PLEKHG5: variants seen among roughly 807,000 people sequenced by gnomAD.
The protein encoded by PLEKHG5 is pleckstrin homology domain-containing family G member 5.
Under a neutral mutation model 103.8 loss-of-function variants are expected in PLEKHG5, and 52 were observed. The ratio of observed to expected loss-of-function variants is 0.50; its 90% CI spans 0.40 to 0.63. The LOEUF (loss-of-function observed/expected upper bound fraction) is 0.63, where lower values mean the gene tolerates loss of function less well. PLEKHG5 is among the 30% of genes least tolerant of loss of function. The pLI is 0.00. For synonymous variants in PLEKHG5, 592 were observed against 575.5 expected (o/e 1.03, Z -0.41); for missense variants, 1,205 against 1,347.6 (o/e 0.89, Z 1.66).
upstream of PLEKHG5, among the ~76,000 whole-genome samples, chr1:6,492,150 G>A (rs1481271177): frequency 1.3e-5 from 2 of 152,226 alleles, no homozygotes; most frequent in African/African-American, 4.8e-5. Flanking sequence ...GAGGCGGCCA[G>A]ATGAGGTTTC....
chr1:6,502,409 C>T (rs912925267), intron 1 of PLEKHG5, among the ~76,000 whole-genome samples: 7 of 152,240 alleles, frequency 4.6e-5, no homozygotes, highest in Non-Finnish European at 7.3e-5. Context: ...GCGTAGTCCC[C>T]GGGGACCGGA....
upstream of PLEKHG5, chr1:6,497,165 C>A: frequency 2.1e-6 from 2 of 941,500 alleles, no homozygotes. The surrounding 1 kb of genome is among the most constrained non-coding windows in gnomAD (Gnocchi z 6.1). Context: ...CCGAGGCAGG[C>A]CCCGACTTGG....
upstream of PLEKHG5, among the ~76,000 whole-genome samples, chr1:6,498,348 T>C (rs1403802747): frequency 6.6e-6 from 1 of 152,160 alleles, no homozygotes; most frequent in Non-Finnish European, 1.5e-5. Context: ...CTGCATGGAC[T>C]CCTTACATGG....
rs556947053 is a variant in PLEKHG5, at chr1:6,471,725, C to T, written c.1131+33G>A. On this transcript the variant is annotated intron_variant, in intron 11 of 20. Transcript: ENST00000377728. ...CAGGTCCCGCCCTCCTTCCTGGTAC[C>T]TCACCCGCCGCCGCCCCCGAATCCC... 9.6e-5 allele frequency: 154 copies of T among 1,600,516 alleles called. 1 individual carries two copies. In the East Asian group the frequency reaches 2.9e-3, roughly 31 times the overall value.
chr1:6,497,977 C>T (rs1479850830), upstream of PLEKHG5, among the ~76,000 whole-genome samples: 2 of 151,992 alleles, frequency 1.3e-5, no homozygotes, highest in South Asian at 2.1e-4. The surrounding 1 kb of genome is among the most constrained non-coding windows in gnomAD (Gnocchi z 6.1). Context: ...CCACCCAGTC[C>T]CCAGCCCCCG....
intron 4 of PLEKHG5, 74 bp from the exon 5 acceptor site, chr1:6,475,212 CT>C: frequency 5.2e-6 from 4 of 776,654 alleles, no homozygotes; most frequent in South Asian, 2.9e-5. Flanking sequence ...CCCCACCCTC[CT>C]TCCCACCCTC....
At chr1:6,515,096 G>A (rs369661602) in intron 1 of PLEKHG5, among the ~76,000 whole-genome samples, 8 of 152,102 alleles carry the variant, frequency 5.3e-5, no homozygotes, top group African/African-American at 1.7e-4. Context: ...AAATCATACC[G>A]AATTTTGGAT....
chr1:6,504,079 G>A lies in PLEKHG5; in HGVS notation c.-164-7510C>T, dbSNP rs953246999. Among the ~76,000 whole-genome samples, 6 of 152,224 alleles carry A rather than the reference G, an allele frequency of 3.9e-5. No individual in the cohort carries two copies. The East Asian group carries it at 1.2e-3, about 29-fold the overall frequency. On this transcript the variant is annotated intron_variant, in intron 1 of 21. Transcript: ENST00000377740. ...TCCCATTGGCTGGCCCTGCTGGCTT[G>A]GGGCTGGGTGGCTAAACGACCTGGG... is the stretch of plus-strand genomic sequence containing the variant.
In PLEKHG5 at chr1:6,505,750, G is replaced by A. The variant is rs1638299320; in HGVS notation, c.-164-9181C>T. Reference sequence around the variant, plus strand: ...GAGAGCAGAGGCAGAGGCCAGGCCTGAAGCCCAGTGCAGGGCCCACGCTGC... The same window carrying A: ...GAGAGCAGAGGCAGAGGCCAGGCCTAAAGCCCAGTGCAGGGCCCACGCTGC... On this transcript the variant is annotated intron_variant, in intron 1 of 21. Transcript: ENST00000377740. The surrounding 1 kb of genome is among the most constrained non-coding windows in gnomAD (Gnocchi z 4.2). Among the ~76,000 whole-genome samples, 1 of 152,226 alleles carries A rather than the reference G, an allele frequency of 6.6e-6. No individual in the cohort carries two copies. Among genetic ancestry groups the A allele is most frequent in the South Asian group, 2.1e-4 (1 of 4,832 alleles).
In PLEKHG5 at chr1:6,514,774, A is replaced by T. The variant is rs550059415; in HGVS notation, c.-165+4671T>A. Among the ~76,000 whole-genome samples the T allele has an allele frequency of 2.4e-3, 370 of 151,902 alleles. 3 individuals carry two copies. Among genetic ancestry groups the T allele is most frequent in the African/African-American group, 8.7e-3 (359 of 41,382 alleles). On this transcript the variant is annotated intron_variant, in intron 1 of 21. Coordinates refer to the PLEKHG5 transcript ENST00000377740. ...AGACTCCATCTTGAAGGAAAAAAAA[A>T]AAAAGAAAATTGGCCAGCCGCGGTG...
intron 2 of PLEKHG5, among the ~76,000 whole-genome samples, chr1:6,476,639 G>T (rs946061046): frequency 6.6e-6 from 1 of 152,222 alleles, no homozygotes; most frequent in African/African-American, 2.4e-5. Flanking sequence ...CCTTGCCTCT[G>T]AGGTTATTAC....
chr1:6,491,605 G>A lies in PLEKHG5; in HGVS notation c.-88+32C>T. On this transcript the variant is annotated intron_variant, in intron 1 of 20. Transcript: ENST00000377728. This position sits in a 1 kb window ranked among gnomAD's most constrained non-coding sequence, Gnocchi z 4.1. The stretch of plus-strand genomic sequence containing the variant: ...TGCTCACCCCCAAAGCATTGCCCAG[G>A]AGAATAGGTGATTGCCTCTCCCATT... The A allele has an allele frequency of 1.0e-6, 1 of 967,424 alleles. No individual in the cohort carries two copies. Among genetic ancestry groups the A allele is most frequent in the Non-Finnish European group, 1.2e-6 (1 of 814,008 alleles). The allele number at this position is 967,424 out of a possible 1,614,324, so 59.9% of individuals were successfully genotyped here.
upstream of PLEKHG5, among the ~76,000 whole-genome samples, chr1:6,492,033 C>G (rs1248176078): frequency 6.6e-6 from 1 of 152,186 alleles, no homozygotes; most frequent in Non-Finnish European, 1.5e-5. Context: ...GACAGAGAGG[C>G]CTGGTTTGAG....
At chr1:6,477,468 GT>G in intron 2 of PLEKHG5, 60 bp downstream of exon 2, 1 of 1,568,040 alleles carries the variant, frequency 6.4e-7, no homozygotes, top group African/African-American at 1.3e-5. Context: ...GTTTCCGACA[GT>G]TACTGAAACA....
At chr1:6,485,762 C>T in intron 1 of PLEKHG5, 1 of 543,162 alleles carries the variant, frequency 1.8e-6, no homozygotes, top group Non-Finnish European at 2.4e-6. Flanking sequence ...GCCGGGGGAC[C>T]CCCACAGCCC....
intron 1 of PLEKHG5, among the ~76,000 whole-genome samples, chr1:6,517,858 G>T (rs1485285217): frequency 1.3e-5 from 2 of 152,220 alleles, no homozygotes. Flanking sequence ...TCCAACTCGG[G>T]TAGGAGAATG....
rs114076159 is a variant in PLEKHG5 at position 6,483,326 on chromosome 1, C to A, written c.-87-5668G>T. 5.6e-3 allele frequency among the ~76,000 whole-genome samples: 855 copies of A among 152,316 alleles called. 8 individuals carry two copies. Among genetic ancestry groups the A allele is most frequent in the African/African-American group, 0.019 (800 of 41,562 alleles). The stretch of plus-strand genomic sequence containing the variant: ...TGAAGGCAGCCTTGAGCACCAGGTG[C>A]CCCCACTTCTACACCCTTCAGGAGT... On this transcript the variant is annotated intron_variant, in intron 1 of 20. Coordinates refer to ENST00000377728, the MANE Select transcript of PLEKHG5 (RefSeq NM_020631.6).
At chr1:6,507,971 C>T (rs1351331235) in intron 1 of PLEKHG5, among the ~76,000 whole-genome samples, 1 of 152,208 alleles carries the variant, frequency 6.6e-6, no homozygotes, top group African/African-American at 2.4e-5. Flanking sequence ...CTGTCTCAGA[C>T]CCACCATAGC....
At chr1:6,496,170 A>G (rs959915890), upstream of PLEKHG5, among the ~76,000 whole-genome samples, 2 of 152,226 alleles carry the variant, frequency 1.3e-5, no homozygotes, top group Non-Finnish European at 2.9e-5. Flanking sequence ...CCCCTGGCTA[A>G]GCCTCAGTTT....
Sources: gnomAD v4.1 joint callset for allele counts (sites outside exome capture counted in the v4.1 genomes callset) on GRCh38, gnomAD v4.1.1 for gene constraint, Gnocchi (gnomAD v3.1) non-coding constraint, MANE v1.5 for transcripts, NCBI Gene and HGNC (gene_info 2026-07-23, HGNC 2026-07-21) for gene names.